Variants in TMEM114 observed in about 807,000 individuals in gnomAD.
The protein encoded by TMEM114 is transmembrane protein 114.
Under a neutral mutation model 6.2 loss-of-function variants are expected in TMEM114, and 6 were observed. The ratio of observed to expected loss-of-function variants is 0.97; its 90% CI spans 0.53 to 1.91. TMEM114 has a LOEUF of 1.91. Among genes scored for constraint, TMEM114 ranks in the 40% most tolerant of loss-of-function variants. The pLI, the probability that TMEM114 is intolerant of heterozygous loss-of-function variation, is 0.01. For synonymous variants in TMEM114, 104 were observed against 73.0 expected, an observed-to-expected ratio of 1.42 and a Z score of -2.16; for missense variants, 218 against 158.3, an observed-to-expected ratio of 1.38 and a Z score of -2.02.
In TMEM114 at chr16:8,569,940, G is replaced by C. The variant is rs779674730; in HGVS notation, c.505C>G (p.Leu169Val). The change falls in exon 4 of 4, where the codon CTG becomes GTG. Residue 169 changes from leucine (L) to valine (V), a missense_variant. By Grantham distance (32) the Leu-to-Val change is conservative (BLOSUM62 1). Transcript: ENST00000620492. The part of the protein sequence containing the change: ...AYSAAAFREA[L>V]CLLEEKALLD... ...AGGGCCTTCTCCTCCAAGAGACACA[G>C]CGCCTCCCGGAAGGCGGCGGCTGAA... The C allele has an allele frequency of 1.9e-5, 29 of 1,551,110 alleles. No individual in the cohort carries two copies. In the African/African-American group the frequency reaches 3.1e-4, roughly 17 times the overall value.
chr16:8,556,932 G>A lies in TMEM114; in HGVS notation n.213-19106C>T, dbSNP rs546800844. ...TTCCGTAATGTGGCCCCTGCTGACCGCTCCAGCCTCTGTTCTTGCTAAGGA... is the reference window on the plus strand; with the variant it reads ...TTCCGTAATGTGGCCCCTGCTGACCACTCCAGCCTCTGTTCTTGCTAAGGA... On this transcript the variant is annotated intron_variant and non_coding_transcript_variant, in intron 2 of 2. Coordinates refer to the TMEM114 transcript ENST00000623677. Among the ~76,000 whole-genome samples the A allele has an allele frequency of 6.6e-5, 10 of 152,270 alleles. No individual in the cohort carries two copies. In the East Asian group the frequency reaches 9.6e-4, roughly 15 times the overall value.
At chr16:8,527,438 G>C in the TMEM114 span, among the ~76,000 whole-genome samples, 3 of 152,148 alleles carry the variant, frequency 2.0e-5, no homozygotes, top group African/African-American at 7.2e-5. Flanking sequence ...CAGTCCTCTT[G>C]TCTGTGAGAT....
intron 2 of TMEM114, among the ~76,000 whole-genome samples, chr16:8,538,731 C>T (rs979424953): frequency 6.6e-6 from 1 of 152,132 alleles, no homozygotes; most frequent in African/African-American, 2.4e-5. Flanking sequence ...TGGTGTCGAT[C>T]TCCTGACCTC....
chr16:8,567,872 C>G (rs1482819791), downstream of TMEM114, among the ~76,000 whole-genome samples: 1 of 152,180 alleles, frequency 6.6e-6, no homozygotes, highest in Non-Finnish European at 1.5e-5. Context: ...TTTGCAAAAA[C>G]TTTGTTTTCC....
chr16:8,527,124 T>C, the TMEM114 span, among the ~76,000 whole-genome samples: 1 of 152,204 alleles, frequency 6.6e-6, no homozygotes, highest in Non-Finnish European at 1.5e-5. Context: ...GGAGAATTGC[T>C]TGAACCCGGA....
At chr16:8,538,843 C>A (rs985638913) in intron 2 of TMEM114, among the ~76,000 whole-genome samples, 1 of 152,108 alleles carries the variant, frequency 6.6e-6, no homozygotes, top group Non-Finnish European at 1.5e-5. Context: ...TACTTCATTG[C>A]ATATGTGTGT....
intron 2 of TMEM114, among the ~76,000 whole-genome samples, chr16:8,560,405 A>G (rs1342761877): frequency 1.3e-5 from 2 of 152,062 alleles, no homozygotes; most frequent in Non-Finnish European, 2.9e-5. Flanking sequence ...CAAGGGTCAG[A>G]TGAGCCTTGG....
rs1567207306 is a variant in TMEM114 at position 8,572,309 on chromosome 16, T to A, written c.302-85A>T. ...CAACAAACACTTCCCGAGCACCTAC[T>A]AGAGCTGGGGAAAATCCACACTGTC... is the stretch of plus-strand genomic sequence containing the variant. On this transcript the variant is annotated intron_variant, in intron 2 of 3. Coordinates refer to ENST00000620492, the MANE Select transcript of TMEM114 (RefSeq NM_001146336.2). The A allele has an allele frequency of 5.5e-6, 8 of 1,463,506 alleles. No individual in the cohort carries two copies. The East Asian group carries it at 2.0e-4, about 36-fold the overall frequency. The allele number at this position is 1,463,506 out of a possible 1,614,324, so 90.7% of individuals were successfully genotyped here.
intron 2 of TMEM114, among the ~76,000 whole-genome samples, chr16:8,555,391 C>T (rs951264572): frequency 6.6e-5 from 10 of 152,144 alleles, no homozygotes; most frequent in African/African-American, 1.7e-4. Flanking sequence ...GTTTTGCAGT[C>T]GTCTTTATAC....
chr16:8,554,392 C>T (rs1278105301), intron 2 of TMEM114, among the ~76,000 whole-genome samples: 2 of 151,794 alleles, frequency 1.3e-5, no homozygotes, highest in African/African-American at 4.8e-5. Flanking sequence ...AACTCTGTCT[C>T]TAATAATAAT....
At chr16:8,528,418 C>T in the TMEM114 span, among the ~76,000 whole-genome samples, 1 of 152,160 alleles carries the variant, frequency 6.6e-6, no homozygotes, top group African/African-American at 2.4e-5. Flanking sequence ...TCTGCTGCCC[C>T]TTCTGACCTG....
chr16:8,568,970 G>A (rs1363744632), downstream of TMEM114, among the ~76,000 whole-genome samples: 7 of 152,190 alleles, frequency 4.6e-5, no homozygotes, highest in Non-Finnish European at 8.8e-5. Flanking sequence ...CAGAAGCCTC[G>A]GCATCGCCTG....
Position 8,556,166 on chromosome 16 carries a change from G to T in TMEM114, n.213-18340C>A, listed in dbSNP as rs191066671. ...ATTCTACCTCGTAAATGCCAAGTCT[G>T]AATTCTTCTCTCCTTCCCGCCAGCT... On this transcript the variant is annotated intron_variant and non_coding_transcript_variant, in intron 2 of 2. Transcript: ENST00000623677. Among the ~76,000 whole-genome samples, 467 of 152,232 alleles carry T rather than the reference G, an allele frequency of 3.1e-3. 7 individuals carry two copies. Among genetic ancestry groups the T allele is most frequent in the South Asian group, 0.023 (113 of 4,824 alleles).
chr16:8,548,347 T>G (rs1164470445), intron 2 of TMEM114, among the ~76,000 whole-genome samples: 2 of 152,208 alleles, frequency 1.3e-5, no homozygotes, highest in Non-Finnish European at 1.5e-5. Context: ...TAACACATGT[T>G]TCTTGAGTGC....
At chr16:8,529,260 C>A in the TMEM114 span, among the ~76,000 whole-genome samples, 1 of 152,140 alleles carries the variant, frequency 6.6e-6, no homozygotes, top group Admixed American at 6.5e-5. Context: ...ATGTGTGCAT[C>A]CCTGGAGCTA....
chr16:8,569,671 C>G lies in TMEM114; in HGVS notation c.*102G>C. On this transcript the variant is annotated 3_prime_UTR_variant, in exon 4 of 4. Coordinates refer to ENST00000620492, the MANE Select transcript of TMEM114 (RefSeq NM_001146336.2). ...GGAAGGAGGGGGGTGCCTGGCCTCC[C>G]CGAGTGGCCTTTGAGGAAGAAGAGG... The G allele has an allele frequency of 6.9e-7, 1 of 1,446,378 alleles. No homozygotes were observed. Among genetic ancestry groups the G allele is most frequent in the South Asian group, 1.5e-5 (1 of 68,438 alleles). The allele number at this position is 1,446,378 out of a possible 1,614,324, so 89.6% of individuals were successfully genotyped here.
chr16:8,563,698 T>TGAG (rs1436719042), intron 2 of TMEM114, among the ~76,000 whole-genome samples: 12 of 150,412 alleles, frequency 8.0e-5, no homozygotes, highest in South Asian at 2.1e-4. Context: ...AATGAGTGAG[T>TGAG]TAGTGAATGA....
the TMEM114 span, among the ~76,000 whole-genome samples, chr16:8,532,214 C>G: frequency 3.2e-4 from 49 of 152,278 alleles, no homozygotes; most frequent in Non-Finnish European, 6.2e-4. Flanking sequence ...GCTCAGAACC[C>G]AGATCCTAGT....
chr16:8,548,948 C>T (rs1417820241), intron 2 of TMEM114, among the ~76,000 whole-genome samples: 1 of 151,946 alleles, frequency 6.6e-6, no homozygotes, highest in Non-Finnish European at 1.5e-5. Flanking sequence ...TTTGGGAGGC[C>T]AAGGCAGGTG....
Sources: allele counts gnomAD v4.1 joint callset (sites outside exome capture counted in the v4.1 genomes callset), GRCh38; gene constraint gnomAD v4.1.1; transcripts MANE v1.5; gene names NCBI Gene and HGNC (gene_info 2026-07-23, HGNC 2026-07-21).